Variants in RSPO2 observed in about 807,000 individuals in gnomAD.
The protein encoded by RSPO2 is R-spondin 2.
A neutral mutation model predicts 30.9 loss-of-function variants in RSPO2; 14 were observed. That is an observed-to-expected ratio of 0.45 (90% CI 0.30 to 0.71). The LOEUF (loss-of-function observed/expected upper bound fraction) is 0.71. Ranked by LOEUF, RSPO2 falls within the 30% of genes least tolerant of loss-of-function variation. The pLI is 0.08. For missense variants in RSPO2, 264 were observed against 301.9 expected (o/e 0.87, Z 0.93); for synonymous variants, 107 against 96.4 (o/e 1.11, Z -0.64).
intron 2 of RSPO2, among the ~76,000 whole-genome samples, chr8:108,042,091 G>A (rs547981019): frequency 6.6e-6 from 1 of 152,164 alleles, no homozygotes; most frequent in South Asian, 2.1e-4. Context: ...TTCAAGAGGA[G>A]ACACAAATTT....
At chr8:107,902,947 T>C (rs1398072372) in intron 5 of RSPO2, among the ~76,000 whole-genome samples, 4 of 152,116 alleles carry the variant, frequency 2.6e-5, no homozygotes, top group Admixed American at 6.5e-5. Context: ...ACGTAGTTAA[T>C]CCTACCCCAT....
intron 2 of RSPO2, among the ~76,000 whole-genome samples, chr8:108,035,724 G>A (rs1811576767): frequency 6.6e-6 from 1 of 151,992 alleles, no homozygotes; most frequent in Non-Finnish European, 1.5e-5. Context: ...GCCTGCCTCG[G>A]CCTCCCAAAG....
chr8:107,983,269 C>G (rs1208204113), intron 3 of RSPO2: 1 of 1,592,812 alleles, frequency 6.3e-7, no homozygotes, highest in African/African-American at 1.3e-5. Context: ...ACAGTCTGAG[C>G]AGGCTCATCT....
At chr8:107,981,695 G>A (rs1221584003) in intron 3 of RSPO2, among the ~76,000 whole-genome samples, 1 of 152,052 alleles carries the variant, frequency 6.6e-6, no homozygotes, top group Non-Finnish European at 1.5e-5. Flanking sequence ...TTTAAAACCT[G>A]TGTCATTTCA....
intron 1 of RSPO2, 117 bp from the exon 2 acceptor site, chr8:108,082,924 T>C (rs975389235): frequency 2.3e-5 from 9 of 398,054 alleles, no homozygotes; most frequent in East Asian, 4.2e-5. Flanking sequence ...GCGAACCCAC[T>C]GCCTAGCACG....
At chr8:108,061,666 A>T (rs1812469901) in intron 2 of RSPO2, among the ~76,000 whole-genome samples, 1 of 151,938 alleles carries the variant, frequency 6.6e-6, no homozygotes, top group African/African-American at 2.4e-5. Flanking sequence ...AATTGAACTC[A>T]GCTCTGCACC....
In RSPO2 at chr8:108,036,546, A is replaced by T. The variant is rs148110799; in HGVS notation, c.94+45999T>A. 3.3e-3 allele frequency among the ~76,000 whole-genome samples: 499 copies of T among 152,328 alleles called. 7 individuals are homozygous for T. The highest frequency in any genetic ancestry group is 0.011 in the African/African-American group (470 of 41,576). On this transcript the variant is annotated intron_variant, in intron 2 of 5. Transcript: ENST00000276659. ...TGTGGCCATGGCGCTTTTCAATGTT[A>T]GGCTGTAGCTATACCTTTACCCATT... is the stretch of plus-strand genomic sequence containing the variant.
At chr8:107,960,297 C>A (rs540779) in intron 4 of RSPO2, among the ~76,000 whole-genome samples, 54,594 of 151,442 alleles carry the variant, frequency 0.36, 11,697 homozygotes, top group East Asian at 0.66. Flanking sequence ...TCTGTAATAT[C>A]CACACATAGC....
chr8:107,938,219 T>C (rs186906580), intron 5 of RSPO2, among the ~76,000 whole-genome samples: 10 of 152,136 alleles, frequency 6.6e-5, no homozygotes, highest in Non-Finnish European at 7.4e-5. Flanking sequence ...GTGAATTTAG[T>C]TTTTAAAATA....
At chr8:107,912,966 CTTTTTTA>C (rs1168829238) in intron 5 of RSPO2, among the ~76,000 whole-genome samples, 3 of 152,024 alleles carry the variant, frequency 2.0e-5, no homozygotes, top group Non-Finnish European at 4.4e-5. Context: ...TACTTTATTC[CTTTTTTA>C]TTTTGTAAAG....
intron 2 of RSPO2, among the ~76,000 whole-genome samples, chr8:108,032,592 G>A (rs1811458279): frequency 6.6e-6 from 1 of 151,926 alleles, no homozygotes; most frequent in African/African-American, 2.4e-5. Context: ...CCAACCTACT[G>A]TCTCTTTTCA....
chr8:107,990,896 C>T (rs1354631702), intron 2 of RSPO2, among the ~76,000 whole-genome samples: 1 of 152,038 alleles, frequency 6.6e-6, no homozygotes. Flanking sequence ...AATAAGACCA[C>T]ACATCTACAA....
intron 2 of RSPO2, among the ~76,000 whole-genome samples, chr8:108,008,749 G>C (rs1055558071): frequency 6.1e-5 from 9 of 148,380 alleles, no homozygotes; most frequent in African/African-American, 1.2e-4. Flanking sequence ...GGTAATTAAA[G>C]AGTCTCCTGA....
At chr8:108,057,556 A>C (rs573092945) in intron 2 of RSPO2, among the ~76,000 whole-genome samples, 1 of 152,306 alleles carries the variant, frequency 6.6e-6, no homozygotes, top group East Asian at 1.9e-4. Context: ...TCAACTATGC[A>C]GGGGGTTATT....
chr8:107,955,628 C>T (rs911504400), intron 5 of RSPO2, among the ~76,000 whole-genome samples: 4 of 111,072 alleles, frequency 3.6e-5, no homozygotes, highest in African/African-American at 1.0e-4. Context: ...CTAAGCATTA[C>T]ACTGTTTTTT....
intron 5 of RSPO2, among the ~76,000 whole-genome samples, chr8:107,939,844 C>T (rs950311696): frequency 6.6e-6 from 1 of 151,928 alleles, no homozygotes; most frequent in African/African-American, 2.4e-5. Context: ...AAGTAAAATG[C>T]CTATTTTAGC....
chr8:108,024,464 A>G (rs1811143122), intron 2 of RSPO2, among the ~76,000 whole-genome samples: 1 of 152,216 alleles, frequency 6.6e-6, no homozygotes, highest in Non-Finnish European at 1.5e-5. Flanking sequence ...GCAAATGAGT[A>G]TCTAATGTAT....
At chr8:107,925,063 ATTC>A (rs1812315661) in intron 5 of RSPO2, among the ~76,000 whole-genome samples, 1 of 152,180 alleles carries the variant, frequency 6.6e-6, no homozygotes, top group Non-Finnish European at 1.5e-5. Context: ...TGATTTTTTT[ATTC>A]TTGAGTTATA....
chr8:107,940,523 T>C (rs570834655), intron 5 of RSPO2, among the ~76,000 whole-genome samples: 2 of 152,330 alleles, frequency 1.3e-5, no homozygotes, highest in East Asian at 3.9e-4. Context: ...AGGTGTGGAC[T>C]GGAGCAGTTT....
Sources: allele counts gnomAD v4.1 joint callset (sites outside exome capture counted in the v4.1 genomes callset), GRCh38; gene constraint gnomAD v4.1.1; transcripts MANE v1.5; gene names NCBI Gene and HGNC (gene_info 2026-07-23, HGNC 2026-07-21).